The following U2SURP variants were observed in gnomAD, a reference collection of about 807,000 sequenced individuals.
U2SURP encodes the protein U2 snRNP-associated SURP motif-containing protein.
U2SURP carries 9 observed loss-of-function variants against 144.9 expected under a neutral mutation model. That is an observed-to-expected ratio of 0.06 (90% confidence interval 0.04 to 0.11). U2SURP has a LOEUF of 0.11. U2SURP is among the 10% of genes least tolerant of loss of function. The probability of loss-of-function intolerance (pLI) is 1.00; values close to 1 mark genes in which losing one functional copy is unlikely to be tolerated. For missense variants in U2SURP, 724 were observed against 1,226.7 expected, an observed-to-expected ratio of 0.59 and a Z score of 6.12; for synonymous variants, 408 against 396.8, an observed-to-expected ratio of 1.03 and a Z score of -0.33.
At chr3:143,027,044 C>A in intron 13 of U2SURP, 105 bp from the exon 14 acceptor site, 2 of 866,600 alleles carry the variant, frequency 2.3e-6, no homozygotes, top group South Asian at 1.6e-5. Flanking sequence ...CGGTGTTAGT[C>A]AGCAGAATAA....
chr3:143,049,722 G>A (rs1441759964), intron 24 of U2SURP, among the ~76,000 whole-genome samples: 1 of 152,064 alleles, frequency 6.6e-6, no homozygotes, highest in Non-Finnish European at 1.5e-5. Context: ...ACCACTTTGT[G>A]AAGTTTTTAT....
At chr3:143,004,353 G>GTTTTTTT (rs869186497) in intron 1 of U2SURP, among the ~76,000 whole-genome samples, 2 of 83,428 alleles carry the variant, frequency 2.4e-5, no homozygotes, top group African/African-American at 8.3e-5. Flanking sequence ...TAGTTGGGGT[G>GTTTTTTT]TTTTTTTTTT....
chr3:143,001,708 C>G (rs774315767), intron 1 of U2SURP, 35 bp downstream of exon 1: 42 of 1,612,458 alleles, frequency 2.6e-5, no homozygotes, highest in South Asian at 3.3e-5. Context: ...GTCAGCGGAT[C>G]TACCACTGTC....
At position 143,058,245 on chromosome 3, in the gene U2SURP, G is replaced by T. The variant is rs1291086159; in HGVS notation, c.*1795G>T. 1 of 151,920 alleles carries T rather than the reference G, an allele frequency of 6.6e-6. No individual in the cohort carries two copies. Among genetic ancestry groups the T allele is most frequent in the East Asian group, 1.9e-4 (1 of 5,190 alleles). 9.4% of individuals were successfully genotyped at this position (151,920 alleles called of 1,614,324 possible). ...TGATTTTGGCATTCCATCTTGCACTGGTTTCTAGTATAGGCTTAGAAATAA... is the reference window on the plus strand; with the variant it reads ...TGATTTTGGCATTCCATCTTGCACTTGTTTCTAGTATAGGCTTAGAAATAA... On this transcript the variant is annotated 3_prime_UTR_variant, in exon 28 of 28. Coordinates refer to ENST00000473835, the MANE Select transcript of U2SURP (RefSeq NM_001080415.2).
At chr3:143,055,206 AT>A (rs74668359) in intron 27 of U2SURP, 87 bp downstream of exon 27, 135,245 of 954,068 alleles carry the variant, frequency 0.14, 45 homozygotes, top group East Asian at 0.19. Context: ...GTTGGCATAC[AT>A]TTTTTTTTTT....
chr3:143,032,706 A>G, intron 16 of U2SURP, 78 bp from the exon 17 acceptor site: 4 of 1,312,870 alleles, frequency 3.0e-6, no homozygotes, highest in Non-Finnish European at 3.2e-6. Flanking sequence ...TTTTAAAGAA[A>G]TTAGTTTGTG....
At chr3:143,054,821 T>G (rs1935061401) in intron 26 of U2SURP, 122 bp from the exon 27 acceptor site, 8 of 1,020,212 alleles carry the variant, frequency 7.8e-6, no homozygotes, top group African/African-American at 1.7e-5. Flanking sequence ...TTGTTAAAAG[T>G]AACATTACAT....
chr3:143,057,659 A>G lies in U2SURP; in HGVS notation c.*1209A>G, dbSNP rs1229663384. On this transcript the variant is annotated 3_prime_UTR_variant, in exon 28 of 28. Transcript: ENST00000473835. The stretch of plus-strand genomic sequence containing the variant: ...TATGTAGAATTGAACTGACACTATT[A>G]TTTGTGAATCTTGATTTCAGTTTTT... 2 of 151,796 alleles carry G rather than the reference A, an allele frequency of 1.3e-5. No individual in the cohort carries two copies. Among genetic ancestry groups the G allele is most frequent in the Non-Finnish European group, 2.9e-5 (2 of 67,814 alleles). 9.4% of individuals were successfully genotyped at this position (151,796 alleles called of 1,614,324 possible).
At chr3:143,036,514 C>T (rs1312890806) in intron 20 of U2SURP, among the ~76,000 whole-genome samples, 2 of 151,846 alleles carry the variant, frequency 1.3e-5, no homozygotes, top group Non-Finnish European at 2.9e-5. Flanking sequence ...TCTTTTTTAC[C>T]TCCTAAATAA....
At chr3:143,024,367 A>G in intron 13 of U2SURP, 2 of 368,344 alleles carry the variant, frequency 5.4e-6, no homozygotes, top group South Asian at 2.3e-5. Flanking sequence ...GTTTGACCCA[A>G]TCTGTTGTTA....
At position 143,057,333 on chromosome 3, in the gene U2SURP, A is replaced by G. The variant is rs1426034943; in HGVS notation, c.*883A>G. On this transcript the variant is annotated 3_prime_UTR_variant, in exon 28 of 28. Transcript: ENST00000473835. Reference sequence around the variant, plus strand: ...TCGTTGACCTTTTATAATCTTCTGTAGGCTATCTTTCAAACACTGGCATCA... The same window carrying G: ...TCGTTGACCTTTTATAATCTTCTGTGGGCTATCTTTCAAACACTGGCATCA... The G allele has an allele frequency of 6.6e-6, 1 of 152,376 alleles. No homozygotes were observed. Among genetic ancestry groups the G allele is most frequent in the Non-Finnish European group, 1.5e-5 (1 of 67,878 alleles). 9.4% of individuals were successfully genotyped at this position (152,376 alleles called of 1,614,324 possible).
At position 143,056,053 on chromosome 3, in the gene U2SURP, C is replaced by G. The variant is rs142282906; in HGVS notation, c.2952-259C>G. On this transcript the variant is annotated intron_variant, in intron 27 of 27. Coordinates refer to ENST00000473835, the MANE Select transcript of U2SURP (RefSeq NM_001080415.2). ...GTTCCATCCTCCAGAGATTTTGATT[C>G]AGTAGAGCAGTGATAAGGCACAGAA... 3.9e-5 allele frequency among the ~76,000 whole-genome samples: 6 copies of G among 152,220 alleles called. No individual in the cohort carries two copies. In the East Asian group the frequency reaches 5.8e-4, roughly 15 times the overall value.
intron 20 of U2SURP, 37 bp downstream of exon 20, chr3:143,036,141 T>A (rs748814420): frequency 1.9e-6 from 3 of 1,556,208 alleles, no homozygotes; most frequent in Non-Finnish European, 2.6e-6. Flanking sequence ...TTTTTAAAAT[T>A]CGTTTCTGGG....
intron 26 of U2SURP, among the ~76,000 whole-genome samples, chr3:143,054,318 C>T (rs1298096426): frequency 1.3e-5 from 2 of 152,136 alleles, no homozygotes; most frequent in Non-Finnish European, 2.9e-5. Context: ...AATTGTTTCC[C>T]TTAACTGAAC....
chr3:143,003,449 A>C (rs1252720598), intron 1 of U2SURP, among the ~76,000 whole-genome samples: 1 of 152,166 alleles, frequency 6.6e-6, no homozygotes, highest in Non-Finnish European at 1.5e-5. Context: ...CTCATTTGTA[A>C]TGTAGATATA....
intron 6 of U2SURP, among the ~76,000 whole-genome samples, chr3:143,019,031 CTTGA>C (rs2108280662): frequency 6.6e-6 from 1 of 152,248 alleles, no homozygotes; most frequent in East Asian, 1.9e-4. Flanking sequence ...TTTGCATGTA[CTTGA>C]TTATATTGAG....
At chr3:143,034,852 C>A in intron 18 of U2SURP, 36 bp from the exon 19 acceptor site, 3 of 1,364,948 alleles carry the variant, frequency 2.2e-6, no homozygotes, top group Non-Finnish European at 1.0e-6. Context: ...GAATTTTAAA[C>A]ATTTTATTTT....
At chr3:143,044,353 A>G (rs1475412456) in intron 24 of U2SURP, among the ~76,000 whole-genome samples, 1 of 126,022 alleles carries the variant, frequency 7.9e-6, no homozygotes, top group Non-Finnish European at 1.6e-5. Flanking sequence ...CAATGGTGTG[A>G]CCATAGCTCA....
chr3:143,048,505 C>G (rs1025360312), intron 24 of U2SURP, among the ~76,000 whole-genome samples: 1 of 152,108 alleles, frequency 6.6e-6, no homozygotes, highest in African/African-American at 2.4e-5. Context: ...AGCCTTACAT[C>G]TTATCTTTTT....
Sources: gnomAD v4.1 joint callset for allele counts (sites outside exome capture counted in the v4.1 genomes callset) on GRCh38, gnomAD v4.1.1 for gene constraint, MANE v1.5 for transcripts, NCBI Gene and HGNC (gene_info 2026-07-23, HGNC 2026-07-21) for gene names.